AGBL4: variants seen among roughly 807,000 people sequenced by gnomAD.
The protein encoded by AGBL4 is cytosolic carboxypeptidase 6.
A neutral mutation model predicts 66.4 loss-of-function variants in AGBL4; 58 were observed. The observed-to-expected ratio is 0.87, with a 90% CI of 0.71 to 1.09. The LOEUF (loss-of-function observed/expected upper bound fraction) is 1.09, where lower values mean the gene tolerates loss of function less well. AGBL4 is among the 50% of genes least tolerant of loss of function. The pLI is 0.00. For missense variants in AGBL4, 579 were observed against 631.0 expected, an observed-to-expected ratio of 0.92 and a Z score of 0.88; for synonymous variants, 234 against 222.9, an observed-to-expected ratio of 1.05 and a Z score of -0.44.
Position 50,023,837 on chromosome 1 carries a change from G to A in AGBL4, c.-41C>T, listed in dbSNP as rs74419373. 650 of 1,541,522 alleles carry A rather than the reference G, an allele frequency of 4.2e-4. 6 individuals carry two copies. In the African/African-American group the frequency reaches 8.0e-3, roughly 19 times the overall value. On this transcript the variant is annotated 5_prime_UTR_variant, in exon 1 of 14. Coordinates refer to ENST00000371839, the MANE Select transcript of AGBL4 (RefSeq NM_032785.4). ...GTCTCCGAGCTCACGCGAAGACCGC[G>A]GGGCAGTAGGGAGCGGGTGGTGGGA...
chr1:50,006,894 T>A (rs561175309), intron 1 of AGBL4, among the ~76,000 whole-genome samples: 1 of 152,304 alleles, frequency 6.6e-6, no homozygotes, highest in East Asian at 1.9e-4. Context: ...CAAAACTCAC[T>A]GGTAATAGTA....
intron 3 of AGBL4, among the ~76,000 whole-genome samples, chr1:49,562,891 A>C (rs1050184804): frequency 8.6e-5 from 13 of 151,238 alleles, no homozygotes; most frequent in Non-Finnish European, 1.9e-4. Flanking sequence ...TCTATAAATT[A>C]CCTTGGGCAG....
At chr1:49,117,331 T>G (rs1264324298) in intron 4 of AGBL4, among the ~76,000 whole-genome samples, 1 of 152,228 alleles carries the variant, frequency 6.6e-6, no homozygotes, top group Non-Finnish European at 1.5e-5. Flanking sequence ...TAGGTGTTCT[T>G]CTAGGGTTTT....
chr1:49,325,030 T>C (rs1423051368), intron 3 of AGBL4, among the ~76,000 whole-genome samples: 3 of 152,218 alleles, frequency 2.0e-5, no homozygotes, highest in African/African-American at 7.2e-5. Context: ...TTCACTTTCT[T>C]CTTTTTTTTT....
intron 4 of AGBL4, among the ~76,000 whole-genome samples, chr1:49,118,806 G>A (rs376693225): frequency 2.6e-5 from 4 of 152,086 alleles, no homozygotes; most frequent in South Asian, 2.1e-4. Context: ...GGTAGAATTC[G>A]GCTGTGAATC....
intron 11 of AGBL4, among the ~76,000 whole-genome samples, chr1:48,543,992 G>T (rs1557774429): frequency 6.6e-6 from 1 of 152,146 alleles, no homozygotes; most frequent in Admixed American, 6.5e-5. Context: ...CACTATCCTG[G>T]CCCATTTCCT....
intron 3 of AGBL4, among the ~76,000 whole-genome samples, chr1:49,333,346 C>T (rs551594741): frequency 4.6e-5 from 7 of 152,166 alleles, no homozygotes; most frequent in East Asian, 1.9e-4. Context: ...GGCGTGGTGG[C>T]GCATGCCTGT....
chr1:48,868,951 A>G (rs901473478), intron 5 of AGBL4, among the ~76,000 whole-genome samples: 2 of 152,180 alleles, frequency 1.3e-5, no homozygotes, highest in African/African-American at 4.8e-5. Flanking sequence ...TCTTCTCTCC[A>G]GTCTAAATAT....
chr1:48,691,136 C>CAAAAAA (rs1646623485), intron 6 of AGBL4, among the ~76,000 whole-genome samples: 1 of 128,348 alleles, frequency 7.8e-6, no homozygotes. Flanking sequence ...CCAGCCTGGG[C>CAAAAAA]GACAGAGTGA....
chr1:49,134,218 G>T (rs897804108), intron 4 of AGBL4, among the ~76,000 whole-genome samples: 2 of 152,088 alleles, frequency 1.3e-5, no homozygotes, highest in African/African-American at 4.8e-5. Flanking sequence ...AGATCACAAG[G>T]CAGAAGGTCA....
intron 1 of AGBL4, among the ~76,000 whole-genome samples, chr1:50,001,232 C>T (rs1660728742): frequency 6.6e-6 from 1 of 150,406 alleles, no homozygotes; most frequent in Non-Finnish European, 1.5e-5. Flanking sequence ...CTCTAAAAGA[C>T]ATACTTTATG....
chr1:48,827,874 GC>G lies in AGBL4; in HGVS notation c.634+39316del, dbSNP rs565146467. Among the ~76,000 whole-genome samples the G allele has an allele frequency of 2.8e-3, 432 of 152,146 alleles. 1 individual carries two copies. Among genetic ancestry groups the G allele is most frequent in the African/African-American group, 9.2e-3 (381 of 41,504 alleles). ...TTGCTAGTAAGTATTGAAAATGGGG[GC>G]CAGGAGCGGCGGCTCATGCCTGTAA... On this transcript the variant is annotated intron_variant, in intron 6 of 13. Coordinates refer to ENST00000371839, the MANE Select transcript of AGBL4 (RefSeq NM_032785.4).
chr1:49,048,776 T>C (rs1056861909), intron 4 of AGBL4, among the ~76,000 whole-genome samples: 2 of 150,322 alleles, frequency 1.3e-5, no homozygotes, highest in African/African-American at 4.9e-5. Flanking sequence ...TCCCTTTACA[T>C]AGATAAAAAA....
chr1:49,825,659 C>T (rs1217628271), intron 2 of AGBL4, among the ~76,000 whole-genome samples: 2 of 152,120 alleles, frequency 1.3e-5, no homozygotes, highest in Non-Finnish European at 1.5e-5. Context: ...TAGACCTCAT[C>T]CAATCAGTTG....
intron 3 of AGBL4, among the ~76,000 whole-genome samples, chr1:49,369,396 C>A (rs1009361455): frequency 6.6e-6 from 1 of 152,118 alleles, no homozygotes; most frequent in African/African-American, 2.4e-5. Flanking sequence ...AACTTCTTGT[C>A]TTAATCAACC....
intron 9 of AGBL4, among the ~76,000 whole-genome samples, chr1:48,623,213 T>G (rs569240369): frequency 1.3e-5 from 2 of 152,390 alleles, no homozygotes; most frequent in South Asian, 4.1e-4. Context: ...GACTTTTTTC[T>G]TTTGAAGATT....
At chr1:48,742,427 A>G (rs759501715) in intron 6 of AGBL4, among the ~76,000 whole-genome samples, 29 of 152,224 alleles carry the variant, frequency 1.9e-4, no homozygotes, top group Non-Finnish European at 3.4e-4. Flanking sequence ...AAAGAAAAAA[A>G]AAAGGAAGAA....
chr1:49,145,329 A>G (rs1280984953), intron 4 of AGBL4, among the ~76,000 whole-genome samples: 2 of 152,114 alleles, frequency 1.3e-5, no homozygotes, highest in African/African-American at 2.4e-5. Flanking sequence ...TCCCACCTCT[A>G]TCATTTATTA....
chr1:48,591,097 C>A lies in AGBL4; in HGVS notation c.952-112G>T, dbSNP rs1557812639. 7 of 751,898 alleles carry A rather than the reference C, an allele frequency of 9.3e-6. No individual in the cohort carries two copies. In the South Asian group the frequency reaches 1.2e-4, roughly 13 times the overall value. 46.6% of individuals were successfully genotyped at this position (751,898 alleles called of 1,614,324 possible). A position where few individuals can be genotyped will look rare whatever the true frequency, so the allele number is the denominator to read the frequency against. Reference sequence around the variant, plus strand: ...CCCCACACACACCCACCCACCCCCCCCCACACACACACACACATCAAGCTG... The same window carrying A: ...CCCCACACACACCCACCCACCCCCCACCACACACACACACACATCAAGCTG... On this transcript the variant is annotated intron_variant, in intron 9 of 13. Transcript: ENST00000371839.
Sources: allele counts gnomAD v4.1 joint callset (sites outside exome capture counted in the v4.1 genomes callset), GRCh38; gene constraint gnomAD v4.1.1; transcripts MANE v1.5; gene names NCBI Gene and HGNC (gene_info 2026-07-23, HGNC 2026-07-21).